EMILIN2: variants seen among roughly 807,000 people sequenced by gnomAD.
EMILIN2 encodes EMILIN-2.
Under a neutral mutation model 87.1 loss-of-function variants are expected in EMILIN2, and 71 were observed. The ratio of observed to expected loss-of-function variants is 0.82; its 90% CI spans 0.67 to 0.99. The LOEUF (loss-of-function observed/expected upper bound fraction) is 0.99, where lower values mean the gene tolerates loss of function less well. Among genes scored for constraint, EMILIN2 ranks in the 50% least tolerant of loss-of-function variants. The probability of loss-of-function intolerance (pLI) is 0.00; values close to 1 mark genes in which losing one functional copy is unlikely to be tolerated. For synonymous variants in EMILIN2, 581 were observed against 563.4 expected (o/e 1.03, Z -0.44); for missense variants, 1,407 against 1,371.8 (o/e 1.03, Z -0.40).
At chr18:2,854,372 G>A (rs1174319147) in intron 2 of EMILIN2, among the ~76,000 whole-genome samples, 1 of 152,142 alleles carries the variant, frequency 6.6e-6, no homozygotes, top group African/African-American at 2.4e-5. Flanking sequence ...GTTGAGTTCC[G>A]TGGAGTTCAG....
At chr18:2,902,648 C>T (rs1028896947) in intron 4 of EMILIN2, among the ~76,000 whole-genome samples, 6 of 152,080 alleles carry the variant, frequency 3.9e-5, no homozygotes, top group East Asian at 1.9e-4. Context: ...GGACTCAGAA[C>T]GTCAGGCCGG....
chr18:2,876,776 TAG>T (rs900600283), intron 2 of EMILIN2, among the ~76,000 whole-genome samples: 2 of 152,010 alleles, frequency 1.3e-5, no homozygotes, highest in Admixed American at 1.3e-4. Context: ...AAAAAATATA[TAG>T]ATATATGTAC....
intron 2 of EMILIN2, among the ~76,000 whole-genome samples, chr18:2,876,694 A>G (rs558869656): frequency 4.6e-5 from 7 of 151,762 alleles, no homozygotes; most frequent in African/African-American, 9.7e-5. Flanking sequence ...TGAACCCGGG[A>G]GGCGGAGCTT....
chr18:2,893,222 A>C (rs779336804), intron 4 of EMILIN2, among the ~76,000 whole-genome samples: 1 of 152,160 alleles, frequency 6.6e-6, no homozygotes, highest in East Asian at 1.9e-4. Flanking sequence ...TTGGGGTCAG[A>C]TTTTTGGCAT....
intron 2 of EMILIN2, among the ~76,000 whole-genome samples, chr18:2,868,615 G>A (rs1276643163): frequency 2.6e-5 from 4 of 152,370 alleles, no homozygotes; most frequent in Admixed American, 6.5e-5. Context: ...CCAACACAGC[G>A]AAACCCCGTC....
At chr18:2,881,878 G>A (rs1409485208) in intron 2 of EMILIN2, among the ~76,000 whole-genome samples, 1 of 152,224 alleles carries the variant, frequency 6.6e-6, no homozygotes, top group Non-Finnish European at 1.5e-5. Flanking sequence ...AGGTGGTGGT[G>A]GGGACCGAGG....
intron 2 of EMILIN2, among the ~76,000 whole-genome samples, chr18:2,854,452 T>G (rs2143953694): frequency 7.0e-6 from 1 of 143,040 alleles, no homozygotes; most frequent in South Asian, 2.1e-4. Context: ...ATTTGTCTTA[T>G]TAGGGAGTAA....
At chr18:2,912,880 C>T (rs1568488923) in intron 7 of EMILIN2, among the ~76,000 whole-genome samples, 187 bp from the exon 8 acceptor site, 1 of 152,166 alleles carries the variant, frequency 6.6e-6, no homozygotes, top group East Asian at 1.9e-4. Context: ...GCTAAGGTGG[C>T]CTCTGCATCA....
chr18:2,899,283 T>TG (rs554023887), intron 4 of EMILIN2, among the ~76,000 whole-genome samples: 11 of 150,542 alleles, frequency 7.3e-5, no homozygotes, highest in South Asian at 2.1e-4. Context: ...AAAGAGGAGG[T>TG]GGGGGGGAGG....
At chr18:2,909,961 G>A (rs779372627) in intron 7 of EMILIN2, 142 bp downstream of exon 7, 1 of 1,134,836 alleles carries the variant, frequency 8.8e-7, no homozygotes, top group Non-Finnish European at 1.2e-6. Flanking sequence ...GAGTGGGCCT[G>A]CACTCCTCTG....
chr18:2,853,851 A>G (rs1218788788), intron 2 of EMILIN2, among the ~76,000 whole-genome samples: 1 of 152,184 alleles, frequency 6.6e-6, no homozygotes, highest in East Asian at 1.9e-4. Context: ...AGGGCCTGAC[A>G]TTTCTTACAG....
intron 2 of EMILIN2, among the ~76,000 whole-genome samples, chr18:2,867,370 A>G (rs1198749375): frequency 6.6e-6 from 1 of 150,470 alleles, no homozygotes; most frequent in Non-Finnish European, 1.5e-5. Flanking sequence ...TTATTTATTT[A>G]TTGATCATTC....
Position 2,847,092 on chromosome 18 carries a change from C to G in EMILIN2, c.-97C>G. 1 of 1,073,190 alleles carries G rather than the reference C, an allele frequency of 9.3e-7. No homozygotes were observed. The highest frequency in any genetic ancestry group is 2.4e-5 in the South Asian group (1 of 40,870). 66.5% of individuals were successfully genotyped at this position (1,073,190 alleles called of 1,614,324 possible). A position where few individuals can be genotyped will look rare whatever the true frequency, so the allele number is the denominator to read the frequency against. ...GCGAAGCGCCCGAGCCTCTTGCCTT[C>G]GCGGGCGGCGCCCTGGCCGCCGGCA... is the stretch of plus-strand genomic sequence containing the variant. On this transcript the variant is annotated 5_prime_UTR_variant, in exon 1 of 8. Coordinates refer to ENST00000254528, the MANE Select transcript of EMILIN2 (RefSeq NM_032048.3). This position sits in a 1 kb window ranked among gnomAD's most constrained non-coding sequence, Gnocchi z 4.5.
chr18:2,860,807 C>T (rs1021026282), intron 2 of EMILIN2, among the ~76,000 whole-genome samples: 9 of 152,158 alleles, frequency 5.9e-5, no homozygotes, highest in Non-Finnish European at 8.8e-5. Flanking sequence ...CCTGAGGAAT[C>T]GCCACACTGA....
intron 2 of EMILIN2, among the ~76,000 whole-genome samples, chr18:2,884,312 C>T (rs569098610): frequency 1.3e-5 from 2 of 152,216 alleles, no homozygotes; most frequent in African/African-American, 2.4e-5. Flanking sequence ...AGTGCAATGG[C>T]GTGATCTCAG....
intron 4 of EMILIN2, among the ~76,000 whole-genome samples, chr18:2,897,489 G>A (rs1945574972): frequency 6.6e-6 from 1 of 152,234 alleles, no homozygotes; most frequent in African/African-American, 2.4e-5. Context: ...CGGTGATGCT[G>A]TAGGTGGCCA....
intron 3 of EMILIN2, among the ~76,000 whole-genome samples, chr18:2,889,284 C>T (rs956880326): frequency 2.6e-5 from 4 of 151,792 alleles, no homozygotes; most frequent in African/African-American, 9.7e-5. Flanking sequence ...ATTACAGGCA[C>T]CAGCCACCAC....
intron 2 of EMILIN2, among the ~76,000 whole-genome samples, chr18:2,860,073 G>T (rs760508510): frequency 2.0e-5 from 3 of 152,006 alleles, no homozygotes; most frequent in Admixed American, 6.6e-5. Context: ...GGTTCTATAA[G>T]AATTTTAGGA....
At chr18:2,875,579 G>A (rs1387406738) in intron 2 of EMILIN2, among the ~76,000 whole-genome samples, 1 of 152,248 alleles carries the variant, frequency 6.6e-6, no homozygotes, top group Non-Finnish European at 1.5e-5. Context: ...TAAGGCTCGT[G>A]GGATGCCCCA....
Sources: gnomAD v4.1 joint callset for allele counts (sites outside exome capture counted in the v4.1 genomes callset) on GRCh38, gnomAD v4.1.1 for gene constraint, Gnocchi (gnomAD v3.1) non-coding constraint, MANE v1.5 for transcripts, NCBI Gene and HGNC (gene_info 2026-07-23, HGNC 2026-07-21) for gene names.